Variants in TMEM132D observed in about 807,000 individuals in gnomAD.
TMEM132D encodes mature OL transmembrane protein.
In TMEM132D, 21 loss-of-function variants were observed where a neutral mutation model predicts 62.3. The observed-to-expected ratio is 0.34, with a 90% CI of 0.24 to 0.49. The LOEUF (loss-of-function observed/expected upper bound fraction) is 0.49. Ranked by LOEUF, TMEM132D falls within the 20% of genes least tolerant of loss-of-function variation. The pLI is 0.99. For synonymous variants in TMEM132D, 621 were observed against 575.6 expected, an observed-to-expected ratio of 1.08 and a Z score of -1.13; for missense variants, 1,346 against 1,402.8, an observed-to-expected ratio of 0.96 and a Z score of 0.65.
chr12:129,424,564 C>T (rs963643854), intron 3 of TMEM132D, among the ~76,000 whole-genome samples: 12 of 151,700 alleles, frequency 7.9e-5, no homozygotes, highest in Non-Finnish European at 1.6e-4. Context: ...AAAAATTAGC[C>T]GGGCGTGGTG....
At chr12:129,388,593 A>C (rs1309767210) in intron 3 of TMEM132D, among the ~76,000 whole-genome samples, 1 of 119,606 alleles carries the variant, frequency 8.4e-6, no homozygotes, top group Non-Finnish European at 2.0e-5. Flanking sequence ...ACCGACACCA[A>C]TACTAACACC....
At chr12:129,387,131 C>G (rs953852011) in intron 3 of TMEM132D, among the ~76,000 whole-genome samples, 1 of 152,030 alleles carries the variant, frequency 6.6e-6, no homozygotes, top group Non-Finnish European at 1.5e-5. Flanking sequence ...AATGCCAACA[C>G]CAACACTAAT....
At chr12:129,120,959 C>T (rs963471565) in intron 5 of TMEM132D, among the ~76,000 whole-genome samples, 10 of 151,930 alleles carry the variant, frequency 6.6e-5, no homozygotes, top group African/African-American at 1.9e-4. Context: ...GGCAGAATAA[C>T]GGCTCCCCAA....
At chr12:129,283,173 C>T (rs541374281) in intron 4 of TMEM132D, among the ~76,000 whole-genome samples, 10 of 152,294 alleles carry the variant, frequency 6.6e-5, no homozygotes, top group African/African-American at 1.9e-4. Context: ...GGAGCATCTA[C>T]GATAAACTAG....
chr12:129,086,338 C>G (rs779515704), intron 5 of TMEM132D, among the ~76,000 whole-genome samples: 4 of 152,088 alleles, frequency 2.6e-5, no homozygotes, highest in Non-Finnish European at 4.4e-5. Context: ...TTAGTGTAAA[C>G]ATCACCCAAA....
At chr12:129,249,925 G>A (rs1452608910) in intron 4 of TMEM132D, among the ~76,000 whole-genome samples, 1 of 152,124 alleles carries the variant, frequency 6.6e-6, no homozygotes, top group African/African-American at 2.4e-5. Flanking sequence ...GGAACAGCAG[G>A]CCCCGTGACC....
chr12:129,792,431 A>G (rs930372232), intron 1 of TMEM132D, among the ~76,000 whole-genome samples: 1 of 152,132 alleles, frequency 6.6e-6, no homozygotes, highest in Non-Finnish European at 1.5e-5. Context: ...AGCATGGGAG[A>G]GTAACTCAAT....
intron 4 of TMEM132D, among the ~76,000 whole-genome samples, chr12:129,289,566 A>AAAAAG (rs1881395743): frequency 1.4e-5 from 2 of 144,730 alleles, no homozygotes; most frequent in Non-Finnish European, 3.0e-5. Flanking sequence ...AAAAAAAAAG[A>AAAAAG]AAAAAAAGAA....
intron 1 of TMEM132D, among the ~76,000 whole-genome samples, chr12:129,814,992 T>C (rs1872303851): frequency 6.6e-6 from 1 of 152,232 alleles, no homozygotes; most frequent in Non-Finnish European, 1.5e-5. Flanking sequence ...CATTTGTAAT[T>C]ACTTTTTTAT....
intron 2 of TMEM132D, among the ~76,000 whole-genome samples, chr12:129,601,896 G>A (rs1378647461): frequency 1.3e-5 from 2 of 152,000 alleles, no homozygotes; most frequent in Non-Finnish European, 2.9e-5. Context: ...TCATGCTGTT[G>A]GAAAAATGGT....
intron 3 of TMEM132D, among the ~76,000 whole-genome samples, chr12:129,405,911 G>C (rs1193497864): frequency 6.6e-6 from 1 of 152,124 alleles, no homozygotes; most frequent in African/African-American, 2.4e-5. Flanking sequence ...TTTGCCTGAA[G>C]GGAAAATCTC....
intron 3 of TMEM132D, among the ~76,000 whole-genome samples, chr12:129,454,931 G>A (rs1274593073): frequency 1.3e-5 from 2 of 152,124 alleles, no homozygotes; most frequent in Non-Finnish European, 2.9e-5. Context: ...AAATGTAAGT[G>A]GAAGAAACCC....
At chr12:129,540,645 C>T (rs2137097412) in intron 2 of TMEM132D, among the ~76,000 whole-genome samples, 1 of 152,172 alleles carries the variant, frequency 6.6e-6, no homozygotes, top group Admixed American at 6.5e-5. Context: ...GCCACTACCC[C>T]CAGCTAATTT....
At chr12:129,700,734 T>C in intron 1 of TMEM132D, 36 bp from the exon 2 acceptor site, 1 of 1,557,492 alleles carries the variant, frequency 6.4e-7, no homozygotes, top group East Asian at 2.2e-5. Context: ...GCGTTAGTAA[T>C]GCTAAGGTCC....
chr12:129,773,971 T>G (rs1870838910), intron 1 of TMEM132D, among the ~76,000 whole-genome samples: 1 of 152,204 alleles, frequency 6.6e-6, no homozygotes, highest in Non-Finnish European at 1.5e-5. Flanking sequence ...AACCTGGTCC[T>G]TGGTACCAGG....
intron 2 of TMEM132D, among the ~76,000 whole-genome samples, chr12:129,639,382 T>A (rs1221755053): frequency 1.1e-5 from 1 of 90,470 alleles, no homozygotes. Context: ...GACTCTGTCT[T>A]AAAAAAAAAA....
chr12:129,241,813 C>T (rs1879945632), intron 4 of TMEM132D, among the ~76,000 whole-genome samples: 1 of 152,178 alleles, frequency 6.6e-6, no homozygotes, highest in Admixed American at 6.5e-5. Context: ...AAACAGTAGT[C>T]TTCAGTTCCT....
intron 3 of TMEM132D, among the ~76,000 whole-genome samples, chr12:129,481,154 C>T (rs574389708): frequency 1.3e-5 from 2 of 151,600 alleles, no homozygotes; most frequent in East Asian, 3.9e-4. Flanking sequence ...CAAAGTAGAA[C>T]TTAAGGAAGA....
chr12:129,889,660 C>T (rs1965705109), intron 1 of TMEM132D, among the ~76,000 whole-genome samples: 1 of 152,190 alleles, frequency 6.6e-6, no homozygotes, highest in African/African-American at 2.4e-5. Context: ...TTATAGTTTG[C>T]TTCAGATTCT....
Sources: gnomAD v4.1 joint callset for allele counts (sites outside exome capture counted in the v4.1 genomes callset) on GRCh38, gnomAD v4.1.1 for gene constraint, MANE v1.5 for transcripts, NCBI Gene and HGNC (gene_info 2026-07-23, HGNC 2026-07-21) for gene names.